NTNG1: variants seen among roughly 807,000 people sequenced by gnomAD.
NTNG1 encodes netrin-G1.
NTNG1 carries 16 observed loss-of-function variants against 54.0 expected under a neutral mutation model. The ratio of observed to expected loss-of-function variants is 0.30; its 90% CI spans 0.20 to 0.45. The LOEUF is 0.45. Among genes scored for constraint, NTNG1 ranks in the 20% least tolerant of loss-of-function variants. NTNG1 has a pLI of 1.00. For missense variants in NTNG1, 530 were observed against 678.7 expected, an observed-to-expected ratio of 0.78 and a Z score of 2.43; for synonymous variants, 255 against 263.1, an observed-to-expected ratio of 0.97 and a Z score of 0.30.
intron 2 of NTNG1, among the ~76,000 whole-genome samples, chr1:107,163,510 T>C (rs1435685940): frequency 6.6e-6 from 1 of 152,196 alleles, no homozygotes; most frequent in Non-Finnish European, 1.5e-5. Flanking sequence ...TTAGTTTCCC[T>C]TTCTGAAATG....
chr1:107,438,674 G>A (rs1040286501), intron 7 of NTNG1, among the ~76,000 whole-genome samples: 1 of 152,172 alleles, frequency 6.6e-6, no homozygotes, highest in African/African-American at 2.4e-5. Flanking sequence ...TAAAGAATGG[G>A]TTGCTGGAGT....
At chr1:107,277,414 A>G (rs1664551769) in intron 2 of NTNG1, among the ~76,000 whole-genome samples, 1 of 152,198 alleles carries the variant, frequency 6.6e-6, no homozygotes. Flanking sequence ...GCATCTAAAC[A>G]TATTTTAAAT....
At chr1:107,319,865 T>TATATATATATATA (rs1667552751) in intron 2 of NTNG1, among the ~76,000 whole-genome samples, 1 of 147,872 alleles carries the variant, frequency 6.8e-6, no homozygotes, top group African/African-American at 2.5e-5. Context: ...TACCTGAGGT[T>TATATATATATATA]TATATATATA....
chr1:107,380,297 A>G (rs1671563257), intron 3 of NTNG1, among the ~76,000 whole-genome samples: 1 of 152,324 alleles, frequency 6.6e-6, no homozygotes, highest in East Asian at 1.9e-4. Flanking sequence ...CACTTAAAAG[A>G]TGAAAGTTGC....
intron 5 of NTNG1, among the ~76,000 whole-genome samples, chr1:107,419,561 G>A (rs1674447505): frequency 6.6e-6 from 1 of 150,982 alleles, no homozygotes; most frequent in South Asian, 2.1e-4. Flanking sequence ...GATATATATA[G>A]TCATGTATAA....
chr1:107,215,581 GT>G (rs112071033), intron 2 of NTNG1, among the ~76,000 whole-genome samples: 6 of 151,690 alleles, frequency 4.0e-5, no homozygotes, highest in Non-Finnish European at 7.4e-5. Flanking sequence ...CTCCAGATTT[GT>G]TTTTTTTGCT....
intron 2 of NTNG1, among the ~76,000 whole-genome samples, chr1:107,244,281 T>G (rs541934979): frequency 8.5e-5 from 13 of 152,366 alleles, no homozygotes; most frequent in African/African-American, 3.1e-4. Context: ...CTTAAAAGTT[T>G]GAATGATTTA....
intron 3 of NTNG1, among the ~76,000 whole-genome samples, chr1:107,371,422 A>G (rs141206850): frequency 0.012 from 1,795 of 152,198 alleles, 26 homozygotes; most frequent in African/African-American, 0.041. Flanking sequence ...TGGCCTATAC[A>G]TGATAGATTC....
chr1:107,154,893 G>A (rs570688301), intron 2 of NTNG1, among the ~76,000 whole-genome samples: 9 of 152,122 alleles, frequency 5.9e-5, no homozygotes, highest in African/African-American at 2.2e-4. Context: ...TTCACGTTAA[G>A]ATTAGGGGAA....
intron 2 of NTNG1, among the ~76,000 whole-genome samples, chr1:107,250,501 T>TC (rs1662517379): frequency 1.3e-5 from 2 of 152,132 alleles, no homozygotes; most frequent in African/African-American, 4.8e-5. Context: ...ATGGCACATG[T>TC]ATACCTATGT....
intron 3 of NTNG1, among the ~76,000 whole-genome samples, chr1:107,379,936 T>C (rs1671543519): frequency 6.6e-6 from 1 of 152,128 alleles, no homozygotes. Flanking sequence ...CTCCCTGGGG[T>C]GGGAAAAAAT....
intron 5 of NTNG1, among the ~76,000 whole-genome samples, chr1:107,429,105 C>G (rs527952797): frequency 5.3e-5 from 8 of 152,150 alleles, no homozygotes; most frequent in South Asian, 2.1e-4. Context: ...CAGCTCACCT[C>G]AAATAAACGA....
At chr1:107,448,174 A>G (rs115520272) in intron 7 of NTNG1, among the ~76,000 whole-genome samples, 415 of 152,130 alleles carry the variant, frequency 2.7e-3, no homozygotes, top group Non-Finnish European at 4.9e-3. Flanking sequence ...ATAGAATTTG[A>G]TATCTGAGCA....
At chr1:107,190,279 A>G (rs1359457435) in intron 2 of NTNG1, among the ~76,000 whole-genome samples, 1 of 152,140 alleles carries the variant, frequency 6.6e-6, no homozygotes, top group Non-Finnish European at 1.5e-5. Context: ...ATTCCACTGA[A>G]TTGCACACTT....
chr1:107,199,057 T>A (rs1658539861), intron 2 of NTNG1, among the ~76,000 whole-genome samples: 2 of 151,876 alleles, frequency 1.3e-5, no homozygotes, highest in Admixed American at 1.3e-4. Flanking sequence ...GTTACAGAAA[T>A]TATTTCTCAC....
chr1:107,173,080 T>C (rs1656374635), intron 2 of NTNG1, among the ~76,000 whole-genome samples: 1 of 152,090 alleles, frequency 6.6e-6, no homozygotes, highest in Admixed American at 6.6e-5. Flanking sequence ...TCATAATGGC[T>C]CTGTAGTAGG....
rs920601858 is a variant in NTNG1 at position 107,273,254 on chromosome 1, C to T, written c.247-51028C>T. On this transcript the variant is annotated intron_variant, in intron 2 of 7. Coordinates refer to ENST00000370068, the MANE Select transcript of NTNG1 (RefSeq NM_001113226.3). Reference sequence around the variant, plus strand: ...GCCGGGAAGTGAGTGCTGAGTGATGCAGTGGAGAATGTATAGAACTGGAAG... The same window carrying T: ...GCCGGGAAGTGAGTGCTGAGTGATGTAGTGGAGAATGTATAGAACTGGAAG... Among the ~76,000 whole-genome samples the T allele has an allele frequency of 5.9e-5, 9 of 152,158 alleles. No homozygotes were observed. The East Asian group carries it at 1.7e-3, about 29-fold the overall frequency.
chr1:107,364,001 G>T (rs553555905), intron 3 of NTNG1, among the ~76,000 whole-genome samples: 1 of 152,210 alleles, frequency 6.6e-6, no homozygotes, highest in South Asian at 2.1e-4. Flanking sequence ...GGAGAGAGGA[G>T]CATAGGATAG....
chr1:107,433,557 A>G (rs999067927), intron 6 of NTNG1, among the ~76,000 whole-genome samples: 29 of 152,204 alleles, frequency 1.9e-4, no homozygotes, highest in Admixed American at 1.9e-3. Context: ...TCAAAAAATA[A>G]AATAAAATAA....
Sources: gnomAD v4.1 joint callset for allele counts (sites outside exome capture counted in the v4.1 genomes callset) on GRCh38, gnomAD v4.1.1 for gene constraint, MANE v1.5 for transcripts, NCBI Gene and HGNC (gene_info 2026-07-23, HGNC 2026-07-21) for gene names.